The following LRP2 variants were observed in gnomAD, a reference collection of about 807,000 sequenced individuals.
LRP2 encodes the protein low-density lipoprotein receptor-related protein 2.
A neutral mutation model predicts 531.0 loss-of-function variants in LRP2; 172 were observed. The ratio of observed to expected loss-of-function variants is 0.32; its 90% CI spans 0.29 to 0.37. The LOEUF (loss-of-function observed/expected upper bound fraction) is 0.37, where lower values mean the gene tolerates loss of function less well. Among genes scored for constraint, LRP2 ranks in the 10% least tolerant of loss-of-function variants. The pLI is 1.00. For synonymous variants in LRP2, 1,992 were observed against 2,027.6 expected, an observed-to-expected ratio of 0.98 and a Z score of 0.47; for missense variants, 5,167 against 5,868.3, an observed-to-expected ratio of 0.88 and a Z score of 3.90.
intron 25 of LRP2, among the ~76,000 whole-genome samples, chr2:169,240,184 A>G (rs1689754151): frequency 6.6e-6 from 1 of 152,246 alleles, no homozygotes; most frequent in Non-Finnish European, 1.5e-5. Context: ...ACAAACATTT[A>G]AGAGAAAAGA....
chr2:169,307,371 T>C lies in LRP2; in HGVS notation c.337A>G (p.Ile113Val), dbSNP rs747650396. The C allele has an allele frequency of 3.1e-6, 5 of 1,613,068 alleles. No homozygotes were observed. The African/African-American group carries it at 6.7e-5, about 22-fold the overall frequency. The stretch of plus-strand genomic sequence containing the variant: ...ATACACTGACCATTGGAGCATGTTA[T>C]CTGATGACTTGAGCATGTACTTTGT... The part of the protein sequence containing the change: ...CSQSTCSSHQ[I>V]TCSNGQCIPS... Residue 113 changes from isoleucine (I) to valine (V), a missense_variant, in exon 4 of 79, where the codon ATA (isoleucine) becomes GTA (valine). By Grantham distance (29) the Ile-to-Val change is conservative. This residue lies in a region of LRP2 where 2,811 missense variants were observed against 3,058.0 expected (regional missense o/e 0.92). Transcript: ENST00000649046.
chr2:169,161,569 A>G (rs1273789671), intron 63 of LRP2, among the ~76,000 whole-genome samples: 3 of 152,000 alleles, frequency 2.0e-5, no homozygotes, highest in African/African-American at 7.2e-5. Context: ...CCCTACCTGC[A>G]CTCAAGCCAT....
intron 16 of LRP2, among the ~76,000 whole-genome samples, chr2:169,261,825 C>T (rs750534161): frequency 2.6e-5 from 4 of 152,204 alleles, no homozygotes; most frequent in Non-Finnish European, 5.9e-5. Flanking sequence ...CCTTGATGAA[C>T]ATTGATGCAA....
intron 16 of LRP2, among the ~76,000 whole-genome samples, chr2:169,261,558 AC>A (rs1168675201): frequency 1.3e-5 from 2 of 151,640 alleles, no homozygotes; most frequent in Non-Finnish European, 2.9e-5. Flanking sequence ...GCCTCCCTCA[AC>A]AAAGCATACA....
chr2:169,334,441 G>T (rs1685348103), intron 1 of LRP2, among the ~76,000 whole-genome samples: 1 of 152,152 alleles, frequency 6.6e-6, no homozygotes, highest in Admixed American at 6.5e-5. Flanking sequence ...TCTCAATTCT[G>T]GGTGTTGGGT....
chr2:169,212,299 T>C, intron 36 of LRP2, 92 bp from the exon 37 acceptor site: 1 of 1,528,468 alleles, frequency 6.5e-7, no homozygotes, highest in South Asian at 1.1e-5. Flanking sequence ...AAATAATTTA[T>C]TCTAAAAATT....
chr2:169,333,765 G>A (rs1180933951), intron 1 of LRP2, among the ~76,000 whole-genome samples: 1 of 152,036 alleles, frequency 6.6e-6, no homozygotes, highest in African/African-American at 2.4e-5. Context: ...GCTTTTAACA[G>A]ACTGAGCAAA....
At position 169,204,338 on chromosome 2, in the gene LRP2, C is replaced by T. The variant is rs1308820663; in HGVS notation, c.7716-67G>A. The T allele has an allele frequency of 2.1e-6, 3 of 1,397,116 alleles. No individual in the cohort carries two copies. The Admixed American group carries it at 5.0e-5, about 23-fold the overall frequency. The allele number at this position is 1,397,116 out of a possible 1,614,324, so 86.5% of individuals were successfully genotyped here. A position where few individuals can be genotyped will look rare whatever the true frequency, so the allele number is the denominator to read the frequency against. On this transcript the variant is annotated intron_variant, in intron 41 of 78. Transcript: ENST00000649046. ...GTGAGTTAAGTTTTCAACTGGCAGC[C>T]CAATGCATGCGCCTCATCATTGTTT...
chr2:169,247,607 T>C (rs1377765341), intron 19 of LRP2, 92 bp from the exon 20 acceptor site: 28 of 1,360,472 alleles, frequency 2.1e-5, no homozygotes, highest in Non-Finnish European at 2.6e-5. Context: ...GAAATGCTTC[T>C]TGCAAGTACG....
At chr2:169,239,500 A>G (rs754986265) in intron 26 of LRP2, 27 bp downstream of exon 26, 7 of 1,613,946 alleles carry the variant, frequency 4.3e-6, no homozygotes, top group Non-Finnish European at 5.9e-6. Context: ...GTGCTGATAA[A>G]CTGGCTCGGG....
chr2:169,181,332 G>T, intron 52 of LRP2, 116 bp downstream of exon 52: 4 of 990,276 alleles, frequency 4.0e-6, no homozygotes, highest in South Asian at 2.8e-5. Context: ...TCCCCCGAAT[G>T]ACTTCCAACA....
chr2:169,231,939 T>G (rs1361681616), intron 30 of LRP2, 97 bp from the exon 31 acceptor site: 7 of 1,453,284 alleles, frequency 4.8e-6, no homozygotes, highest in Non-Finnish European at 6.6e-6. Context: ...GAGGCCCCAG[T>G]ACAGGGGGGC....
At chr2:169,225,083 T>A (rs1490673322) in intron 33 of LRP2, among the ~76,000 whole-genome samples, 1 of 151,688 alleles carries the variant, frequency 6.6e-6, no homozygotes, top group Non-Finnish European at 1.5e-5. Flanking sequence ...AGAGTGAGAC[T>A]TTGTCTAAAA....
intron 19 of LRP2, 101 bp from the exon 20 acceptor site, chr2:169,247,616 C>A: frequency 2.5e-6 from 3 of 1,204,466 alleles, no homozygotes; most frequent in Non-Finnish European, 3.7e-6. Context: ...CTTGCAAGTA[C>A]GATCATCTCC....
At chr2:169,157,881 G>A (rs1325389909) in intron 63 of LRP2, among the ~76,000 whole-genome samples, 1 of 149,650 alleles carries the variant, frequency 6.7e-6, no homozygotes, top group East Asian at 2.0e-4. Context: ...GATAGATAGA[G>A]AGATAGATGA....
chr2:169,319,844 G>T (rs1198807927), intron 2 of LRP2, among the ~76,000 whole-genome samples: 1 of 152,174 alleles, frequency 6.6e-6, no homozygotes, highest in Non-Finnish European at 1.5e-5. Flanking sequence ...GAGTATTTGA[G>T]GAGCACTGTA....
chr2:169,172,008 C>T lies in LRP2; in HGVS notation c.11263+7G>A. On this transcript the variant is annotated splice_region_variant and intron_variant, in intron 58 of 78. Coordinates refer to ENST00000649046, the MANE Select transcript of LRP2 (RefSeq NM_004525.3). ...TATATAAGGACCATAGGACTGTGAA[C>T]ACTCACCACAGTTTTCCTCATCTGA... The T allele has an allele frequency of 6.2e-7, 1 of 1,614,000 alleles. No homozygotes were observed. The highest frequency in any genetic ancestry group is 8.5e-7 in the Non-Finnish European group (1 of 1,179,948).
Position 169,292,488 on chromosome 2 carries a change from C to A in LRP2, c.653-119G>T, listed in dbSNP as rs1213875985. ...ATTGAAATTTCTATATCAATTTAAT[C>A]CCTTAGACATCTTGACAAAAATTTT... On this transcript the variant is annotated intron_variant, in intron 6 of 78. Coordinates refer to ENST00000649046, the MANE Select transcript of LRP2 (RefSeq NM_004525.3). 5.5e-6 allele frequency: 4 copies of A among 732,084 alleles called. No individual in the cohort carries two copies. In the Admixed American group the frequency reaches 6.4e-5, roughly 12 times the overall value. The allele number at this position is 732,084 out of a possible 1,614,324, so 45.3% of individuals were successfully genotyped here. A position where few individuals can be genotyped will look rare whatever the true frequency, so the allele number is the denominator to read the frequency against.
intron 48 of LRP2, among the ~76,000 whole-genome samples, chr2:169,191,266 C>T (rs1287703074): frequency 1.3e-5 from 2 of 152,262 alleles, no homozygotes; most frequent in Non-Finnish European, 2.9e-5. Context: ...TGACTCTGAG[C>T]CTAAGAGCCA....
Sources: allele counts gnomAD v4.1 joint callset (sites outside exome capture counted in the v4.1 genomes callset), GRCh38; gene constraint gnomAD v4.1.1; regional missense constraint gnomAD v4.1.1; transcripts MANE v1.5; gene names NCBI Gene and HGNC (gene_info 2026-07-23, HGNC 2026-07-21).